SNX25: variants seen among roughly 807,000 people sequenced by gnomAD.
SNX25 encodes the protein sorting nexin-25.
A neutral mutation model predicts 113.7 loss-of-function variants in SNX25; 62 were observed. The ratio of observed to expected loss-of-function variants is 0.55; its 90% CI spans 0.44 to 0.67. The LOEUF (loss-of-function observed/expected upper bound fraction) is 0.67. Among genes scored for constraint, SNX25 ranks in the 30% least tolerant of loss-of-function variants. The probability of loss-of-function intolerance (pLI) is 0.00; values close to 1 mark genes in which losing one functional copy is unlikely to be tolerated. For missense variants in SNX25, 1,014 were observed against 1,161.0 expected (o/e 0.87, Z 1.84); for synonymous variants, 421 against 436.2 (o/e 0.97, Z 0.43).
the SNX25 span, among the ~76,000 whole-genome samples, chr4:185,376,443 C>CCTTTTTTTTT: frequency 9.4e-6 from 1 of 105,824 alleles, no homozygotes; most frequent in African/African-American, 3.9e-5. Flanking sequence ...TGCCCAGCTA[C>CCTTTTTTTTT]TTTTTTTTTT....
At chr4:185,296,543 TA>T (rs1464265830) in intron 6 of SNX25, among the ~76,000 whole-genome samples, 2 of 152,134 alleles carry the variant, frequency 1.3e-5, no homozygotes, top group Admixed American at 6.5e-5. Context: ...TTAAAGAAAT[TA>T]AGTATGATTT....
intron 1 of SNX25, among the ~76,000 whole-genome samples, chr4:185,243,606 C>CA (rs956527255): frequency 6.6e-6 from 1 of 152,126 alleles, no homozygotes; most frequent in African/African-American, 2.4e-5. Flanking sequence ...TATCAAAAAA[C>CA]AAAAAAACCC....
intron 6 of SNX25, among the ~76,000 whole-genome samples, chr4:185,305,954 C>T (rs986337956): frequency 2.0e-5 from 3 of 152,192 alleles, no homozygotes; most frequent in Non-Finnish European, 2.9e-5. Flanking sequence ...CACTGCCATC[C>T]GGTGTTTCAC....
chr4:185,248,133 GT>G (rs1371376657), intron 2 of SNX25, among the ~76,000 whole-genome samples: 1 of 152,146 alleles, frequency 6.6e-6, no homozygotes, highest in Non-Finnish European at 1.5e-5. Context: ...GAAAATGAGA[GT>G]ACTGTATCAG....
At position 185,241,448 on chromosome 4, in the gene SNX25, G is replaced by A. The variant is rs565302300; in HGVS notation, c.430-5846G>A. On this transcript the variant is annotated intron_variant, in intron 1 of 18. Transcript: ENST00000652585. ...CAGCAGTACAGTCCAGCTTTGGCTC[G>A]GCATCGGGGAGACCGTGGAAAGAGA... Among the ~76,000 whole-genome samples the A allele has an allele frequency of 8.3e-5, 10 of 120,684 alleles. No homozygotes were observed. In the East Asian group the frequency reaches 2.5e-3, roughly 30 times the overall value. 79.2% of individuals were successfully genotyped at this position (120,684 alleles called of 152,430 possible).
chr4:185,241,102 G>A (rs1330458348), intron 1 of SNX25, among the ~76,000 whole-genome samples: 17 of 151,556 alleles, frequency 1.1e-4, no homozygotes, highest in African/African-American at 2.9e-4. Context: ...CTGCAATCTC[G>A]GCACTTTGCG....
rs370411758 is a variant in SNX25, at chr4:185,268,750, G to A, written c.1091+1595G>A. Among the ~76,000 whole-genome samples the A allele has an allele frequency of 2.6e-5, 4 of 152,264 alleles. No homozygotes were observed. In the East Asian group the frequency reaches 7.7e-4, roughly 29 times the overall value. Reference sequence around the variant, plus strand: ...AAGCACCATCTAAGGAGGCATAGACGTAGATGGCACTGTGTTCTTATACAT... The same window carrying A: ...AAGCACCATCTAAGGAGGCATAGACATAGATGGCACTGTGTTCTTATACAT... On this transcript the variant is annotated intron_variant, in intron 5 of 18. Coordinates refer to ENST00000652585, the MANE Select transcript of SNX25 (RefSeq NM_001378034.2).
chr4:185,295,340 G>A (rs1752693199), intron 6 of SNX25, among the ~76,000 whole-genome samples: 1 of 152,078 alleles, frequency 6.6e-6, no homozygotes, highest in Non-Finnish European at 1.5e-5. Flanking sequence ...ACGATCCTAG[G>A]AACGTTTAGT....
At chr4:185,373,907 C>T (rs1417751592), downstream of SNX25, among the ~76,000 whole-genome samples, 1 of 152,020 alleles carries the variant, frequency 6.6e-6, no homozygotes, top group African/African-American at 2.4e-5. Flanking sequence ...AGCTTTGATA[C>T]TATAGTATAC....
At chr4:185,279,064 A>G (rs772289920) in intron 5 of SNX25, among the ~76,000 whole-genome samples, 1 of 151,870 alleles carries the variant, frequency 6.6e-6, no homozygotes, top group Non-Finnish European at 1.5e-5. Context: ...AAAAATATAG[A>G]TAAGATTAAG....
chr4:185,286,768 A>C (rs1240329486), intron 5 of SNX25, among the ~76,000 whole-genome samples: 1 of 152,230 alleles, frequency 6.6e-6, no homozygotes, highest in South Asian at 2.1e-4. Context: ...TGGCATGCCA[A>C]CACTGCTCCT....
chr4:185,274,047 C>T (rs1159930723), intron 5 of SNX25, among the ~76,000 whole-genome samples: 1 of 151,200 alleles, frequency 6.6e-6, no homozygotes, highest in African/African-American at 2.4e-5. Flanking sequence ...AAAAAGATGA[C>T]AAGGTTATAC....
chr4:185,368,628 AATGATCTCC>A (rs1376237767), downstream of SNX25, among the ~76,000 whole-genome samples: 1 of 152,138 alleles, frequency 6.6e-6, no homozygotes, highest in African/African-American at 2.4e-5. Flanking sequence ...ACTGCCTCTA[AATGATCTCC>A]ATTTTATCAG....
At chr4:185,266,483 C>T (rs1365761594) in intron 4 of SNX25, among the ~76,000 whole-genome samples, 1 of 152,110 alleles carries the variant, frequency 6.6e-6, no homozygotes, top group Non-Finnish European at 1.5e-5. Context: ...GCCTCAGTCT[C>T]CCGAGTAGCT....
intron 1 of SNX25, among the ~76,000 whole-genome samples, chr4:185,213,714 C>T (rs1331339795): frequency 6.6e-6 from 1 of 152,142 alleles, no homozygotes; most frequent in African/African-American, 2.4e-5. Flanking sequence ...CCAATCAAAA[C>T]AACAGCAAGA....
rs576433825 is a variant in SNX25 at position 185,243,786 on chromosome 4, TAAAAG to T, written c.430-3504_430-3500del. Among the ~76,000 whole-genome samples, 31 of 152,116 alleles carry T rather than the reference TAAAAG, an allele frequency of 2.0e-4. No homozygotes were observed. In the East Asian group the frequency reaches 5.0e-3, roughly 25 times the overall value. ...TACATGTAAGTATGAAGTAGTGAGATAAAAGAAATATACAGACACAGGGCAAGAGG... is the reference window on the plus strand; with the variant it reads ...TACATGTAAGTATGAAGTAGTGAGATAAATATACAGACACAGGGCAAGAGG... On this transcript the variant is annotated intron_variant, in intron 1 of 18. Coordinates refer to ENST00000652585, the MANE Select transcript of SNX25 (RefSeq NM_001378034.2).
intron 6 of SNX25, among the ~76,000 whole-genome samples, chr4:185,302,108 T>TG (rs1270438456): frequency 1.4e-5 from 2 of 146,524 alleles, no homozygotes; most frequent in Non-Finnish European, 3.0e-5. Context: ...TTGTTTTTTT[T>TG]TTTTTTTAGT....
intron 6 of SNX25, among the ~76,000 whole-genome samples, chr4:185,291,860 G>A (rs1227608338): frequency 6.6e-6 from 1 of 152,166 alleles, no homozygotes; most frequent in Non-Finnish European, 1.5e-5. Context: ...GAATAAGATC[G>A]CTTTAGTAGG....
At chr4:185,353,357 A>C in intron 14 of SNX25, 128 bp from the exon 15 acceptor site, 1 of 672,182 alleles carries the variant, frequency 1.5e-6, no homozygotes, top group Non-Finnish European at 2.6e-6. Flanking sequence ...TAGTTTCTGC[A>C]TGAAAACTAA....
Sources: allele counts gnomAD v4.1 joint callset (sites outside exome capture counted in the v4.1 genomes callset), GRCh38; gene constraint gnomAD v4.1.1; transcripts MANE v1.5; gene names NCBI Gene and HGNC (gene_info 2026-07-23, HGNC 2026-07-21).